RFPL1: variants seen among roughly 807,000 people sequenced by gnomAD.
The protein encoded by RFPL1 is ret finger protein like 1.
RFPL1 carries 6 observed loss-of-function variants against 9.6 expected under a neutral mutation model. The observed-to-expected ratio is 0.62, with a 90% CI of 0.34 to 1.23. The LOEUF is 1.23. RFPL1 is among the 50% of genes most tolerant of loss of function. The pLI is 0.03. For missense variants in RFPL1, 352 were observed against 398.4 expected (o/e 0.88, Z 0.99); for synonymous variants, 145 against 149.4 (o/e 0.97, Z 0.22).
chr22:29,409,586 A>G, the RFPL1 span, among the ~76,000 whole-genome samples: 1 of 152,150 alleles, frequency 6.6e-6, no homozygotes, highest in African/African-American at 2.4e-5. Context: ...TTGGTCGAAG[A>G]TCTCAGTGAA....
At chr22:29,403,450 C>G in the RFPL1 span, among the ~76,000 whole-genome samples, 1 of 152,086 alleles carries the variant, frequency 6.6e-6, no homozygotes, top group Non-Finnish European at 1.5e-5. Context: ...TGTTAATTCT[C>G]CAAGAAGAAG....
the RFPL1 span, among the ~76,000 whole-genome samples, chr22:29,416,595 GC>G: frequency 2.6e-5 from 4 of 152,136 alleles, no homozygotes; most frequent in African/African-American, 7.2e-5. Flanking sequence ...ACTTAATGTG[GC>G]CCCTTACTTT....
the RFPL1 span, among the ~76,000 whole-genome samples, chr22:29,420,299 C>T: frequency 2.6e-5 from 4 of 152,224 alleles, no homozygotes; most frequent in Admixed American, 2.6e-4. Context: ...ACCCTGATAA[C>T]AGGTTAGGAG....
chr22:29,389,891 C>T, the RFPL1 span, among the ~76,000 whole-genome samples: 7 of 151,788 alleles, frequency 4.6e-5, no homozygotes, highest in Non-Finnish European at 1.0e-4. Flanking sequence ...CTCTGCCTCC[C>T]AGGTTCAAGC....
At chr22:29,402,802 G>A in the RFPL1 span, among the ~76,000 whole-genome samples, 4 of 143,400 alleles carry the variant, frequency 2.8e-5, no homozygotes, top group Non-Finnish European at 4.5e-5. Flanking sequence ...AACAACCCCC[G>A]CCCCCCTGCA....
the RFPL1 span, among the ~76,000 whole-genome samples, chr22:29,421,091 T>C: frequency 6.6e-6 from 1 of 152,138 alleles, no homozygotes; most frequent in African/African-American, 2.4e-5. Flanking sequence ...TGCCAGCAGG[T>C]GGTAGGACTG....
chr22:29,396,897 C>CTTTTTT, the RFPL1 span, among the ~76,000 whole-genome samples: 5 of 72,582 alleles, frequency 6.9e-5, no homozygotes, highest in African/African-American at 2.7e-4. Context: ...CCTGAAACTT[C>CTTTTTT]TTTTTTTTTT....
chr22:29,424,051 G>A, the RFPL1 span, among the ~76,000 whole-genome samples: 15 of 152,128 alleles, frequency 9.9e-5, no homozygotes, highest in Non-Finnish European at 1.6e-4. Context: ...GTGGTGGTGC[G>A]TGCCTGTAAT....
chr22:29,420,786 G>A, the RFPL1 span, among the ~76,000 whole-genome samples: 3 of 151,188 alleles, frequency 2.0e-5, no homozygotes, highest in Middle Eastern at 3.4e-3. Context: ...AACTACAGGC[G>A]GGCACCATCA....
chr22:29,434,937 G>T (rs1474895463), upstream of RFPL1: 3 of 152,168 alleles, frequency 2.0e-5, no homozygotes, highest in African/African-American at 7.2e-5. Flanking sequence ...GATGACCAAG[G>T]CTTCCTATCT....
Position 29,441,639 on chromosome 22 carries a change from A to C in RFPL1, c.471A>C (p.Gln157His), listed in dbSNP as rs781367721. 3 of 1,613,820 alleles carry C rather than the reference A, an allele frequency of 1.9e-6. No individual in the cohort carries two copies. In the African/African-American group the frequency reaches 4.0e-5, roughly 22 times the overall value. Residue 157 changes from glutamine (Q) to histidine (H), a missense_variant, in exon 2 of 2, where the codon CAA becomes CAC. Transcript: ENST00000354373. ...GTGGGTGCATCACACAGAATCGGCAAGACCTTGCCGAGAGATTTGACGTGT... is the reference window on the plus strand; with the variant it reads ...GTGGGTGCATCACACAGAATCGGCACGACCTTGCCGAGAGATTTGACGTGT...
chr22:29,390,398 GTTATT>G, the RFPL1 span, among the ~76,000 whole-genome samples: 1 of 151,912 alleles, frequency 6.6e-6, no homozygotes, highest in Non-Finnish European at 1.5e-5. Context: ...GCCTTTAAAA[GTTATT>G]TTTAAATAAT....
chr22:29,411,348 T>C, the RFPL1 span, among the ~76,000 whole-genome samples: 1 of 152,188 alleles, frequency 6.6e-6, no homozygotes, highest in East Asian at 1.9e-4. Context: ...AGCCAGGATA[T>C]GAAACAGAAG....
chr22:29,406,154 A>AAAAAAAAC, the RFPL1 span, among the ~76,000 whole-genome samples: 1 of 132,558 alleles, frequency 7.5e-6, no homozygotes, highest in Admixed American at 7.7e-5. Context: ...AAATAAAAAA[A>AAAAAAAAC]AAGAAATAAC....
chr22:29,417,184 C>CT, the RFPL1 span, among the ~76,000 whole-genome samples: 1 of 151,938 alleles, frequency 6.6e-6, no homozygotes, highest in Admixed American at 6.6e-5. Flanking sequence ...CTCTTTGGGG[C>CT]TTATCATATC....
At chr22:29,401,714 G>A in the RFPL1 span, among the ~76,000 whole-genome samples, 1 of 152,126 alleles carries the variant, frequency 6.6e-6, no homozygotes, top group South Asian at 2.1e-4. Context: ...CTTTCATAAA[G>A]CCCTCTCCAC....
chr22:29,400,303 C>T, the RFPL1 span, among the ~76,000 whole-genome samples: 1 of 152,132 alleles, frequency 6.6e-6, no homozygotes, highest in African/African-American at 2.4e-5. Flanking sequence ...GCCTATCAAG[C>T]TTTTCTAAAG....
the RFPL1 span, among the ~76,000 whole-genome samples, chr22:29,431,266 T>G: frequency 2.0e-5 from 3 of 152,142 alleles, no homozygotes; most frequent in Non-Finnish European, 1.5e-5. Context: ...CACTATGAAT[T>G]CGGCAACATT....
chr22:29,438,988 C>A lies in RFPL1; in HGVS notation c.197C>A (p.Ser66Ter). The A allele has an allele frequency of 1.2e-6, 2 of 1,614,004 alleles. No individual in the cohort carries two copies. The highest frequency in any genetic ancestry group is 1.7e-6 in the Non-Finnish European group (2 of 1,179,936). Reference sequence around the variant, plus strand: ...GCTGTCTGCTTCAAGTGCATCAATTCACTGCAGAAGGAGCCCCATGGGGAG... The same window carrying A: ...GCTGTCTGCTTCAAGTGCATCAATTAACTGCAGAAGGAGCCCCATGGGGAG... The change falls in exon 1 of 2, where the codon TCA (serine) becomes TAA (stop). Residue 66 changes from serine (S) to a stop codon, truncating the protein, a stop_gained. Transcript: ENST00000354373. LOFTEE classifies it high-confidence loss of function.
Sources: allele counts gnomAD v4.1 joint callset (sites outside exome capture counted in the v4.1 genomes callset), GRCh38; gene constraint gnomAD v4.1.1; transcripts MANE v1.5; gene names NCBI Gene and HGNC (gene_info 2026-07-23, HGNC 2026-07-21).